Variants in DNAH9 observed in about 807,000 individuals in gnomAD.
The protein encoded by DNAH9 is DNAH9 variant protein.
Under a neutral mutation model 471.6 loss-of-function variants are expected in DNAH9, and 345 were observed. The observed-to-expected ratio is 0.73, with a 90% CI of 0.67 to 0.80. The LOEUF (loss-of-function observed/expected upper bound fraction) is 0.80. Among genes scored for constraint, DNAH9 ranks in the 30% least tolerant of loss-of-function variants. DNAH9 has a pLI of 0.00. For missense variants in DNAH9, 5,407 were observed against 5,609.2 expected, an observed-to-expected ratio of 0.96 and a Z score of 1.15; for synonymous variants, 2,093 against 2,123.6, an observed-to-expected ratio of 0.99 and a Z score of 0.40.
chr17:11,851,397 G>C (rs995132659), intron 49 of DNAH9, among the ~76,000 whole-genome samples: 2 of 152,080 alleles, frequency 1.3e-5, no homozygotes, highest in African/African-American at 4.8e-5. Context: ...GATTACAGGC[G>C]TGAGCCACCA....
chr17:11,641,042 T>C (rs1041169210), intron 10 of DNAH9, among the ~76,000 whole-genome samples: 2 of 152,114 alleles, frequency 1.3e-5, no homozygotes, highest in African/African-American at 4.8e-5. Flanking sequence ...TACCTCTTTC[T>C]AAAAGACTTA....
intron 14 of DNAH9, among the ~76,000 whole-genome samples, chr17:11,658,020 A>C (rs1332495487): frequency 6.6e-6 from 1 of 152,044 alleles, no homozygotes; most frequent in Non-Finnish European, 1.5e-5. Flanking sequence ...TATCCACATA[A>C]GTTTTAGATT....
rs1597747925 is a variant in DNAH9 at position 11,861,244 on chromosome 17, T to C, written c.9933+6816T>C. Among the ~76,000 whole-genome samples the C allele has an allele frequency of 3.3e-5, 5 of 152,206 alleles. No individual in the cohort carries two copies. The East Asian group carries it at 9.7e-4, about 30-fold the overall frequency. The stretch of plus-strand genomic sequence containing the variant: ...TCCTGTGTCCATGTGTTCTCATTGT[T>C]CAATTCCCACCTATGAGTGAGAATA... On this transcript the variant is annotated intron_variant, in intron 50 of 68. Coordinates refer to ENST00000262442, the MANE Select transcript of DNAH9 (RefSeq NM_001372.4).
chr17:11,783,181 T>TA (rs1253705071), intron 39 of DNAH9, among the ~76,000 whole-genome samples: 1 of 152,182 alleles, frequency 6.6e-6, no homozygotes, highest in East Asian at 1.9e-4. Flanking sequence ...CCATGGTTTT[T>TA]AGTTTCTGTC....
At chr17:11,944,466 G>A (rs1410331247) in intron 67 of DNAH9, among the ~76,000 whole-genome samples, 1 of 152,154 alleles carries the variant, frequency 6.6e-6, no homozygotes, top group Non-Finnish European at 1.5e-5. Context: ...GAGGCACAGG[G>A]CAGAGCAGCC....
intron 27 of DNAH9, among the ~76,000 whole-genome samples, chr17:11,720,820 G>A (rs942007327): frequency 6.6e-6 from 1 of 152,076 alleles, no homozygotes; most frequent in African/African-American, 2.4e-5. Flanking sequence ...CTTCCACGTG[G>A]TCTTCATCCC....
chr17:11,734,315 TA>T (rs773591376), intron 28 of DNAH9, among the ~76,000 whole-genome samples: 1 of 152,146 alleles, frequency 6.6e-6, no homozygotes. Flanking sequence ...GGCTGCACAT[TA>T]GAATGGCCTG....
chr17:11,727,338 T>G (rs1422417657), intron 27 of DNAH9, among the ~76,000 whole-genome samples: 2 of 152,122 alleles, frequency 1.3e-5, no homozygotes, highest in African/African-American at 4.8e-5. Flanking sequence ...GTTTTTTGGT[T>G]TTGGTTTTTG....
At chr17:11,958,744 AT>A (rs1567577970) in intron 67 of DNAH9, among the ~76,000 whole-genome samples, 4 of 151,264 alleles carry the variant, frequency 2.6e-5, no homozygotes, top group Admixed American at 6.6e-5. Flanking sequence ...AAAAAAAAAA[AT>A]AAAGTATATT....
chr17:11,737,608 C>G (rs1271496316), intron 28 of DNAH9, among the ~76,000 whole-genome samples: 1 of 152,156 alleles, frequency 6.6e-6, no homozygotes, highest in Non-Finnish European at 1.5e-5. Flanking sequence ...TATGCATTTC[C>G]AAGCACCAGG....
chr17:11,713,319 T>C (rs1287170229), intron 26 of DNAH9, among the ~76,000 whole-genome samples: 6 of 152,176 alleles, frequency 3.9e-5, no homozygotes, highest in African/African-American at 1.4e-4. Context: ...GACATTTAGG[T>C]TGATTCTCTG....
chr17:11,968,091 G>A (rs1976891558), intron 68 of DNAH9, among the ~76,000 whole-genome samples: 1 of 152,150 alleles, frequency 6.6e-6, no homozygotes, highest in African/African-American at 2.4e-5. Context: ...TTTTTGGGGA[G>A]ATGCAAATGT....
chr17:11,849,621 C>T (rs147339538), intron 49 of DNAH9, among the ~76,000 whole-genome samples: 1,766 of 152,324 alleles, frequency 0.012, 23 homozygotes, highest in Middle Eastern at 0.061. Context: ...CTGGCCATTT[C>T]CCATCATTGA....
At chr17:11,911,913 TGTTA>T (rs1973804214) in intron 61 of DNAH9, among the ~76,000 whole-genome samples, 3 of 152,234 alleles carry the variant, frequency 2.0e-5, no homozygotes, top group South Asian at 2.1e-4. Flanking sequence ...GAAACTTTCT[TGTTA>T]GTTCTAATAA....
intron 11 of DNAH9, among the ~76,000 whole-genome samples, chr17:11,646,253 A>T (rs777940245): frequency 6.6e-6 from 1 of 151,740 alleles, no homozygotes; most frequent in Non-Finnish European, 1.5e-5. Flanking sequence ...TCCCAACCTC[A>T]GATGATCCAC....
intron 17 of DNAH9, among the ~76,000 whole-genome samples, chr17:11,674,140 A>G (rs986469125): frequency 6.6e-5 from 10 of 152,088 alleles, no homozygotes; most frequent in African/African-American, 2.4e-4. Flanking sequence ...GGTTGTTTCC[A>G]GTGGTTTTGC....
At chr17:11,649,837 C>T (rs1031568552) in intron 12 of DNAH9, among the ~76,000 whole-genome samples, 1 of 152,120 alleles carries the variant, frequency 6.6e-6, no homozygotes, top group Admixed American at 6.6e-5. Context: ...TGCCCACTTG[C>T]TAGTGGAAGT....
At position 11,669,227 on chromosome 17, in the gene DNAH9, G is replaced by A. The variant is rs2073934590; in HGVS notation, c.2895G>A (p.Arg965=). Residue 965 remains arginine (R), a synonymous_variant, in exon 16 of 69, where the codon CGG becomes CGA. Transcript: ENST00000262442. The part of the protein sequence containing the change: ...SIFRIPSLVP[R]LSPQNGSPHY... ...TTAGGATACCATCTCTGGTGCCACG[G>A]CTTTCCCCACAAAATGGCTCTCCTC... is the stretch of plus-strand genomic sequence containing the variant. The A allele has an allele frequency of 6.2e-7, 1 of 1,613,956 alleles. No homozygotes were observed. The highest frequency in any genetic ancestry group is 1.3e-5 in the African/African-American group (1 of 75,020).
intron 14 of DNAH9, among the ~76,000 whole-genome samples, chr17:11,654,403 C>CG (rs2073591314): frequency 6.8e-6 from 1 of 147,614 alleles, no homozygotes; most frequent in African/African-American, 2.5e-5. Flanking sequence ...TATCATCCAT[C>CG]TATCGTCTAT....
Sources: allele counts gnomAD v4.1 joint callset (sites outside exome capture counted in the v4.1 genomes callset), GRCh38; gene constraint gnomAD v4.1.1; transcripts MANE v1.5; gene names NCBI Gene and HGNC (gene_info 2026-07-23, HGNC 2026-07-21).